Variants in SCYL2 observed in about 807,000 individuals in gnomAD.
SCYL2 encodes SCY1 like pseudokinase 2.
In SCYL2, 36 loss-of-function variants were observed where a neutral mutation model predicts 100.4. The observed-to-expected ratio is 0.36, with a 90% CI of 0.27 to 0.47. SCYL2 has a LOEUF of 0.47. Among genes scored for constraint, SCYL2 ranks in the 20% least tolerant of loss-of-function variants. The pLI, the probability that SCYL2 is intolerant of heterozygous loss-of-function variation, is 1.00. For missense variants in SCYL2, 902 were observed against 1,083.9 expected (o/e 0.83, Z 2.36); for synonymous variants, 330 against 359.2 (o/e 0.92, Z 0.92).
intron 17 of SCYL2, among the ~76,000 whole-genome samples, 174 bp from the exon 18 acceptor site, chr12:100,338,352 CTA>C (rs1952306475): frequency 6.6e-6 from 1 of 152,100 alleles, no homozygotes; most frequent in Non-Finnish European, 1.5e-5. Flanking sequence ...TCTGTAAAAA[CTA>C]TATAAAAATA....
intron 13 of SCYL2, among the ~76,000 whole-genome samples, chr12:100,329,893 A>G (rs1952187321): frequency 6.6e-6 from 1 of 152,204 alleles, no homozygotes; most frequent in African/African-American, 2.4e-5. Context: ...TATTAGCTGG[A>G]TGCCACTGTC....
chr12:100,277,905 T>C (rs949045055), intron 1 of SCYL2, among the ~76,000 whole-genome samples: 4 of 152,164 alleles, frequency 2.6e-5, no homozygotes, highest in Admixed American at 6.5e-5. Flanking sequence ...TGTTATTATT[T>C]GAGGGTCTAC....
Position 100,334,280 on chromosome 12 carries a change from A to G in SCYL2, c.1862+14A>G. The G allele has an allele frequency of 7.1e-7, 1 of 1,416,172 alleles. No homozygotes were observed. Among genetic ancestry groups the G allele is most frequent in the Admixed American group, 1.7e-5 (1 of 59,562 alleles). The allele number at this position is 1,416,172 out of a possible 1,614,324, so 87.7% of individuals were successfully genotyped here. Reference sequence around the variant, plus strand: ...AGAACAGCAGAAGTAAGTAGGTTGCACATGAATTATATGTGGTCCGGGAGT... The same window carrying G: ...AGAACAGCAGAAGTAAGTAGGTTGCGCATGAATTATATGTGGTCCGGGAGT... On this transcript the variant is annotated intron_variant, in intron 14 of 17. Transcript: ENST00000360820.
chr12:100,316,355 C>T (rs1337316189), intron 9 of SCYL2, among the ~76,000 whole-genome samples: 1 of 152,214 alleles, frequency 6.6e-6, no homozygotes, highest in Admixed American at 6.5e-5. Flanking sequence ...TTCTTTATCT[C>T]CTTACTTGAA....
chr12:100,296,259 A>G (rs2096320320), intron 3 of SCYL2, among the ~76,000 whole-genome samples: 1 of 152,236 alleles, frequency 6.6e-6, no homozygotes, highest in African/African-American at 2.4e-5. Flanking sequence ...GATAACTTCC[A>G]GTTTTTAATG....
chr12:100,307,112 A>G (rs1237286917), intron 4 of SCYL2, among the ~76,000 whole-genome samples: 2 of 152,216 alleles, frequency 1.3e-5, no homozygotes, highest in African/African-American at 2.4e-5. Context: ...TCAAGCTACC[A>G]CTGATTTTCT....
Position 100,314,654 on chromosome 12 carries a change from A to G in SCYL2, c.1095+40A>G. The G allele has an allele frequency of 3.3e-6, 5 of 1,532,842 alleles. No individual in the cohort carries two copies. The South Asian group carries it at 6.1e-5, about 19-fold the overall frequency. The allele number at this position is 1,532,842 out of a possible 1,614,324, so 95.0% of individuals were successfully genotyped here. On this transcript the variant is annotated intron_variant, in intron 8 of 17. Transcript: ENST00000360820. ...GTTTCTTATTAATAATCAGGATTTT[A>G]GAAGTTAAAGTTTATTTTGACTTAC...
At chr12:100,281,019 G>GTTTTGTTT (rs2096297553) in intron 1 of SCYL2, among the ~76,000 whole-genome samples, 2 of 50,466 alleles carry the variant, frequency 4.0e-5, no homozygotes, top group African/African-American at 1.4e-4. Context: ...TACCATCAGT[G>GTTTTGTTT]TTTTTTTTTT....
At chr12:100,314,021 C>T (rs1449222982) in intron 7 of SCYL2, among the ~76,000 whole-genome samples, 2 of 151,936 alleles carry the variant, frequency 1.3e-5, no homozygotes, top group Non-Finnish European at 2.9e-5. Flanking sequence ...ATTGGGATTA[C>T]AGGCCCCCAC....
At chr12:100,296,052 A>G (rs747258540) in intron 3 of SCYL2, among the ~76,000 whole-genome samples, 1 of 152,174 alleles carries the variant, frequency 6.6e-6, no homozygotes, top group Non-Finnish European at 1.5e-5. Flanking sequence ...AAGTCTCTTG[A>G]GGGGAGAAGG....
intron 4 of SCYL2, among the ~76,000 whole-genome samples, chr12:100,308,395 C>T (rs138750440): frequency 0.13 from 19,793 of 152,016 alleles, 1,595 homozygotes; most frequent in Non-Finnish European, 0.18. Flanking sequence ...AAACAGAAAA[C>T]CAAACACCGC....
chr12:100,311,535 A>G (rs2096342164), intron 5 of SCYL2, among the ~76,000 whole-genome samples: 2 of 152,180 alleles, frequency 1.3e-5, no homozygotes, highest in South Asian at 4.1e-4. Flanking sequence ...GAGCATAATA[A>G]TAGCAGTGGC....
At chr12:100,329,951 A>G (rs933963830) in intron 13 of SCYL2, among the ~76,000 whole-genome samples, 4 of 152,168 alleles carry the variant, frequency 2.6e-5, no homozygotes, top group African/African-American at 7.2e-5. Context: ...TGTTTCATCA[A>G]AGCCTGCAAA....
chr12:100,283,563 C>CAGT (rs1422239678), intron 2 of SCYL2, among the ~76,000 whole-genome samples: 1 of 152,126 alleles, frequency 6.6e-6, no homozygotes, highest in Non-Finnish European at 1.5e-5. Context: ...CGTCTTAGTG[C>CAGT]AGTCAGTGCT....
intron 10 of SCYL2, among the ~76,000 whole-genome samples, chr12:100,318,450 C>A (rs956930758): frequency 2.0e-5 from 3 of 151,724 alleles, no homozygotes; most frequent in Non-Finnish European, 4.4e-5. Flanking sequence ...CCTGCCTCAG[C>A]CTCCCTAGTA....
intron 3 of SCYL2, among the ~76,000 whole-genome samples, chr12:100,295,050 A>G: frequency 7.2e-6 from 1 of 138,428 alleles, no homozygotes; most frequent in Admixed American, 7.1e-5. Context: ...CGCTCCTCAC[A>G]TCCCAGATGG....
chr12:100,329,418 G>A (rs936201230), intron 13 of SCYL2, 99 bp downstream of exon 13: 11 of 609,612 alleles, frequency 1.8e-5, no homozygotes, highest in Middle Eastern at 4.4e-4. Flanking sequence ...AAAAAAAAGG[G>A]TGAGGGGAGA....
At chr12:100,330,493 T>G (rs974799907) in intron 13 of SCYL2, among the ~76,000 whole-genome samples, 3 of 152,198 alleles carry the variant, frequency 2.0e-5, no homozygotes, top group African/African-American at 7.2e-5. Context: ...AGCAAAAATA[T>G]TAATTGAATT....
intron 3 of SCYL2, among the ~76,000 whole-genome samples, chr12:100,292,540 T>A (rs1038326441): frequency 2.0e-5 from 3 of 152,226 alleles, no homozygotes; most frequent in African/African-American, 7.2e-5. Flanking sequence ...TACGTTGGAA[T>A]CCTCAATAAC....
Sources: gnomAD v4.1 joint callset for allele counts (sites outside exome capture counted in the v4.1 genomes callset) on GRCh38, gnomAD v4.1.1 for gene constraint, MANE v1.5 for transcripts, NCBI Gene and HGNC (gene_info 2026-07-23, HGNC 2026-07-21) for gene names.